The following PDGFC variants were observed in gnomAD, a reference collection of about 807,000 sequenced individuals.
PDGFC encodes the protein platelet derived growth factor C.
In PDGFC, 12 loss-of-function variants were observed where a neutral mutation model predicts 35.5. The observed-to-expected ratio is 0.34, with a 90% CI of 0.22 to 0.55. PDGFC has a LOEUF of 0.55. PDGFC is among the 20% of genes least tolerant of loss of function. The pLI is 0.91. For synonymous variants in PDGFC, 159 were observed against 148.8 expected (o/e 1.07, Z -0.50); for missense variants, 322 against 412.4 (o/e 0.78, Z 1.90).
rs751597903 is a variant in PDGFC at position 156,850,240 on chromosome 4, G to T, written c.295C>A (p.Pro99Thr). 4 of 1,577,698 alleles carry T rather than the reference G, an allele frequency of 2.5e-6. No homozygotes were observed. Among genetic ancestry groups the T allele is most frequent in the Non-Finnish European group, 3.4e-6 (4 of 1,159,480 alleles). ...ACTTACTTGCATATGTCATCTTCTGGGTCTTCAAGCCCAAATCTTTCATCA... is the reference window on the plus strand; with the variant it reads ...ACTTACTTGCATATGTCATCTTCTGTGTCTTCAAGCCCAAATCTTTCATCA... ...TFDERFGLED[P>T]EDDICKYDFV... The change falls in exon 2 of 6, where the codon CCA becomes ACA. Residue 99 changes from proline (P) to threonine (T), a missense_variant. Physicochemically the swap from Pro to Thr is conservative, Grantham distance 38. Around this residue, in one of 2 missense-constraint regions of PDGFC, gnomAD observed 120 missense variants for 116.6 expected, o/e 1.03. Transcript: ENST00000502773.
Position 156,940,105 on chromosome 4 carries a change from A to G in PDGFC, c.118+30681T>C, listed in dbSNP as rs922517461. On this transcript the variant is annotated intron_variant, in intron 1 of 5. Coordinates refer to ENST00000502773, the MANE Select transcript of PDGFC (RefSeq NM_016205.3). ...CTCAACAATGTGAATTACTAAAAAT[A>G]CATATTTAAAGAATCAAACTACTGG... Among the ~76,000 whole-genome samples the G allele has an allele frequency of 7.9e-5, 12 of 152,164 alleles. 1 individual carries two copies. Among genetic ancestry groups the G allele is most frequent in the Admixed American group, 2.6e-4 (4 of 15,258 alleles).
intron 1 of PDGFC, among the ~76,000 whole-genome samples, chr4:156,948,767 C>A (rs1732008221): frequency 6.6e-6 from 1 of 151,942 alleles, no homozygotes; most frequent in Admixed American, 6.6e-5. Flanking sequence ...CCTCTACATA[C>A]ATAGAAATAT....
At chr4:156,803,073 C>G (rs901434070) in intron 3 of PDGFC, among the ~76,000 whole-genome samples, 1 of 152,224 alleles carries the variant, frequency 6.6e-6, no homozygotes, top group South Asian at 2.1e-4. Flanking sequence ...CAGAAGGAGA[C>G]TGCAAGGATG....
intron 2 of PDGFC, chr4:156,842,149 T>C (rs937960504): frequency 6.6e-6 from 1 of 152,156 alleles, no homozygotes; most frequent in Non-Finnish European, 1.5e-5. Context: ...GTATAAATGT[T>C]TATAATGTCA....
intron 1 of PDGFC, among the ~76,000 whole-genome samples, chr4:156,929,305 T>A (rs1259591897): frequency 6.6e-6 from 1 of 152,146 alleles, no homozygotes; most frequent in African/African-American, 2.4e-5. Flanking sequence ...CAGTATCTGT[T>A]CAAACCTTAG....
intron 2 of PDGFC, among the ~76,000 whole-genome samples, chr4:156,841,147 G>C (rs1174864041): frequency 1.3e-5 from 2 of 151,902 alleles, no homozygotes; most frequent in Admixed American, 6.6e-5. Flanking sequence ...GATTTGGGAG[G>C]GGGGCTGGGG....
chr4:156,898,395 A>T (rs1321284344), intron 1 of PDGFC, among the ~76,000 whole-genome samples: 1 of 152,318 alleles, frequency 6.6e-6, no homozygotes, highest in East Asian at 1.9e-4. Flanking sequence ...GGAAGTGATA[A>T]CTAATAACTA....
chr4:156,935,281 C>T (rs1226165161), intron 1 of PDGFC, among the ~76,000 whole-genome samples: 5 of 152,092 alleles, frequency 3.3e-5, no homozygotes, highest in African/African-American at 1.2e-4. Flanking sequence ...CAGGCGTGAG[C>T]CACCATGTCT....
intron 3 of PDGFC, among the ~76,000 whole-genome samples, chr4:156,802,728 T>C (rs1388602316): frequency 1.3e-5 from 2 of 152,128 alleles, no homozygotes; most frequent in South Asian, 2.1e-4. Flanking sequence ...TCAGAGTGTT[T>C]TGAAGAAACT....
intron 3 of PDGFC, among the ~76,000 whole-genome samples, chr4:156,775,892 C>G (rs1216443791): frequency 6.6e-6 from 1 of 152,076 alleles, no homozygotes; most frequent in Non-Finnish European, 1.5e-5. Flanking sequence ...ACACAGTGGT[C>G]CCCACCCAGA....
chr4:156,882,167 C>A (rs1428537967), intron 1 of PDGFC, among the ~76,000 whole-genome samples: 1 of 152,070 alleles, frequency 6.6e-6, no homozygotes, highest in African/African-American at 2.4e-5. Flanking sequence ...TATTCCGCAA[C>A]TAAAACAATA....
intron 1 of PDGFC, among the ~76,000 whole-genome samples, chr4:156,896,182 C>A (rs1160498261): frequency 6.6e-6 from 1 of 152,020 alleles, no homozygotes; most frequent in Non-Finnish European, 1.5e-5. Context: ...ATAATTTAAT[C>A]CTTATTAGGT....
At chr4:156,765,671 AT>A (rs1331761417) in intron 5 of PDGFC, among the ~76,000 whole-genome samples, 1 of 152,216 alleles carries the variant, frequency 6.6e-6, no homozygotes, top group Non-Finnish European at 1.5e-5. Context: ...GATGAAAATT[AT>A]TAAGCCAAGT....
chr4:156,902,662 A>G (rs1489913564), intron 1 of PDGFC, among the ~76,000 whole-genome samples: 3 of 152,178 alleles, frequency 2.0e-5, no homozygotes, highest in South Asian at 2.1e-4. Context: ...TTTTGTACAA[A>G]TTTACCACAG....
chr4:156,860,578 T>C (rs902467998), intron 1 of PDGFC, among the ~76,000 whole-genome samples: 1 of 151,448 alleles, frequency 6.6e-6, no homozygotes, highest in Non-Finnish European at 1.5e-5. Context: ...GAAAACTAAT[T>C]GGGAAAAAAA....
intron 1 of PDGFC, among the ~76,000 whole-genome samples, chr4:156,893,057 T>C (rs1281748519): frequency 6.6e-6 from 1 of 152,100 alleles, no homozygotes; most frequent in African/African-American, 2.4e-5. Flanking sequence ...AAATCCCTTC[T>C]CAATGATCTA....
chr4:156,869,297 A>T (rs1047081345), intron 1 of PDGFC, among the ~76,000 whole-genome samples: 1 of 151,806 alleles, frequency 6.6e-6, no homozygotes, highest in Non-Finnish European at 1.5e-5. Context: ...TTAGCCAGGC[A>T]TGGTGGCGGG....
intron 1 of PDGFC, among the ~76,000 whole-genome samples, chr4:156,934,933 T>C (rs4536984): frequency 0.27 from 41,166 of 151,812 alleles, 6,125 homozygotes; most frequent in Admixed American, 0.37. Flanking sequence ...AATAATGCCT[T>C]CTTCTGGAAT....
intron 1 of PDGFC, among the ~76,000 whole-genome samples, chr4:156,910,999 T>C (rs1731025692): frequency 6.6e-6 from 1 of 152,194 alleles, no homozygotes; most frequent in South Asian, 2.1e-4. Context: ...TAGCTCGTCC[T>C]TTCATCCTCT....
Sources: gnomAD v4.1 joint callset for allele counts (sites outside exome capture counted in the v4.1 genomes callset) on GRCh38, gnomAD v4.1.1 for gene constraint, gnomAD v4.1.1 regional missense constraint, MANE v1.5 for transcripts, NCBI Gene and HGNC (gene_info 2026-07-23, HGNC 2026-07-21) for gene names.